The following DNM3 variants were observed in gnomAD, a reference collection of about 807,000 sequenced individuals.
DNM3 encodes the protein dynamin-3.
In DNM3, 47 loss-of-function variants were observed where a neutral mutation model predicts 101.6. That is an observed-to-expected ratio of 0.46 (90% CI 0.37 to 0.59). The LOEUF (loss-of-function observed/expected upper bound fraction) is 0.59, where lower values mean the gene tolerates loss of function less well. DNM3 is among the 20% of genes least tolerant of loss of function. The probability of loss-of-function intolerance (pLI) is 0.00; values close to 1 mark genes in which losing one functional copy is unlikely to be tolerated. For missense variants in DNM3, 849 were observed against 1,085.7 expected, an observed-to-expected ratio of 0.78 and a Z score of 3.06; for synonymous variants, 385 against 387.9, an observed-to-expected ratio of 0.99 and a Z score of 0.09.
chr1:172,309,229 C>T (rs571225496), intron 16 of DNM3: 83 of 167,108 alleles, frequency 5.0e-4, no homozygotes, highest in African/African-American at 1.8e-3. Flanking sequence ...TTAAAATATA[C>T]TCATTTTAAT....
intron 12 of DNM3, among the ~76,000 whole-genome samples, chr1:172,084,527 G>A (rs2053395517): frequency 1.3e-5 from 2 of 152,072 alleles, no homozygotes; most frequent in Admixed American, 6.6e-5. Context: ...ATTGACATGG[G>A]GTGACGTGGA....
intron 2 of DNM3, among the ~76,000 whole-genome samples, chr1:171,986,144 G>A (rs1364074051): frequency 2.0e-5 from 3 of 152,120 alleles, no homozygotes; most frequent in Non-Finnish European, 4.4e-5. Flanking sequence ...TGATTCTCTG[G>A]AAGACCTCTT....
At chr1:172,337,429 A>T (rs1179279682) in intron 17 of DNM3, among the ~76,000 whole-genome samples, 1 of 152,246 alleles carries the variant, frequency 6.6e-6, no homozygotes, top group East Asian at 1.9e-4. Flanking sequence ...CTATTTAAAA[A>T]GAAGAGAAGA....
intron 16 of DNM3, among the ~76,000 whole-genome samples, chr1:172,317,095 C>T (rs1249462315): frequency 1.3e-4 from 20 of 151,470 alleles, no homozygotes; most frequent in Non-Finnish European, 1.9e-4. Context: ...CACTCAAAAC[C>T]GCTCAACTAC....
intron 15 of DNM3, among the ~76,000 whole-genome samples, chr1:172,303,423 G>C (rs748356125): frequency 6.6e-6 from 1 of 152,214 alleles, no homozygotes. Flanking sequence ...GCCTGAAAGT[G>C]ATGGGAGAAT....
chr1:172,091,685 G>A (rs2053921214), intron 12 of DNM3, among the ~76,000 whole-genome samples: 1 of 152,180 alleles, frequency 6.6e-6, no homozygotes, highest in African/African-American at 2.4e-5. Flanking sequence ...GGGCCTTGTA[G>A]ACCCTTGTAT....
At chr1:172,060,126 A>AAGAAAAAAATTAAAAAAAAAGAAAATAC in intron 10 of DNM3, among the ~76,000 whole-genome samples, 1 of 148,832 alleles carries the variant, frequency 6.7e-6, no homozygotes, top group Admixed American at 6.7e-5. Context: ...ATACCTAGGA[A>AAGAAAAAAATTAAAAAAAAAGAAAATAC]TCCAACTTAC....
intron 17 of DNM3, among the ~76,000 whole-genome samples, chr1:172,358,615 G>A (rs1357426791): frequency 3.3e-5 from 5 of 152,056 alleles, no homozygotes; most frequent in African/African-American, 1.2e-4. Context: ...AACAACAGCA[G>A]TGAAACCTGA....
intron 17 of DNM3, among the ~76,000 whole-genome samples, chr1:172,370,953 T>C (rs776841310): frequency 6.6e-6 from 1 of 152,042 alleles, no homozygotes; most frequent in Non-Finnish European, 1.5e-5. Context: ...TATATCTTTC[T>C]TTACAGCCTG....
chr1:172,401,507 C>T (rs1294082318), intron 20 of DNM3, among the ~76,000 whole-genome samples: 1 of 152,186 alleles, frequency 6.6e-6, no homozygotes, highest in Admixed American at 6.5e-5. Flanking sequence ...AACTATTTTT[C>T]TCCCTATGTT....
intron 14 of DNM3, among the ~76,000 whole-genome samples, chr1:172,231,368 C>G (rs2061330239): frequency 6.6e-6 from 1 of 152,150 alleles, no homozygotes; most frequent in Non-Finnish European, 1.5e-5. Flanking sequence ...CTCCAACAGA[C>G]CTTCAGCTGA....
intron 15 of DNM3, among the ~76,000 whole-genome samples, chr1:172,255,241 T>C (rs987317099): frequency 1.3e-5 from 2 of 152,114 alleles, no homozygotes; most frequent in Admixed American, 1.3e-4. Context: ...GAAAACACAC[T>C]GAAAATAATA....
rs1350166031 is a variant in DNM3, at chr1:171,989,015, C to T, written c.456C>T (p.Ile152=). The change falls in exon 4 of 21, where the codon ATC becomes ATT. Residue 152 remains isoleucine (I), a synonymous_variant. Transcript: ENST00000627582. ...CTGTGGGAGATCAGCCACCAGATAT[C>T]GAGTATCAGATCAGAGAAATGATTA... ...KVPVGDQPPD[I]EYQIREMIMQ... 2.5e-6 allele frequency: 4 copies of T among 1,609,198 alleles called. No homozygotes were observed. The highest frequency in any genetic ancestry group is 2.2e-5 in the East Asian group (1 of 44,764).
At chr1:171,892,036 A>G (rs894475914) in intron 1 of DNM3, among the ~76,000 whole-genome samples, 1 of 152,214 alleles carries the variant, frequency 6.6e-6, no homozygotes. Flanking sequence ...TTATATCAGT[A>G]TGGACTCATG....
intron 2 of DNM3, among the ~76,000 whole-genome samples, chr1:171,958,044 A>G (rs2042975979): frequency 1.3e-5 from 2 of 152,212 alleles, no homozygotes. Flanking sequence ...GACAAAAGAA[A>G]GAGGTTTAAT....
At chr1:172,135,525 GTTT>G (rs963630299) in intron 14 of DNM3, among the ~76,000 whole-genome samples, 3 of 151,804 alleles carry the variant, frequency 2.0e-5, no homozygotes, top group African/African-American at 7.2e-5. Context: ...TTGTTTGTTT[GTTT>G]TTTATCCTCT....
chr1:172,062,764 G>A (rs2051341180), intron 10 of DNM3, among the ~76,000 whole-genome samples: 1 of 152,164 alleles, frequency 6.6e-6, no homozygotes, highest in African/African-American at 2.4e-5. Flanking sequence ...TTAGAAAACA[G>A]TCACTATTTC....
chr1:172,147,823 A>G (rs1386853213), intron 14 of DNM3, among the ~76,000 whole-genome samples: 1 of 152,074 alleles, frequency 6.6e-6, no homozygotes, highest in African/African-American at 2.4e-5. Flanking sequence ...TATCCCTTCC[A>G]ACTTCTTAAC....
chr1:172,241,239 ATGTGTGTGTGTG>A (rs1262155821), intron 14 of DNM3, among the ~76,000 whole-genome samples: 3 of 148,342 alleles, frequency 2.0e-5, no homozygotes, highest in East Asian at 2.0e-4. Flanking sequence ...ATATACATAG[ATGTGTGTGTGTG>A]TGTGTGTGTG....
Sources: allele counts gnomAD v4.1 joint callset (sites outside exome capture counted in the v4.1 genomes callset), GRCh38; gene constraint gnomAD v4.1.1; transcripts MANE v1.5; gene names NCBI Gene and HGNC (gene_info 2026-07-23, HGNC 2026-07-21).